Variants in PRDX2 observed in about 807,000 individuals in gnomAD.
The protein encoded by PRDX2 is peroxiredoxin 2.
In PRDX2, 10 loss-of-function variants were observed where a neutral mutation model predicts 19.8. That is an observed-to-expected ratio of 0.50 (90% CI 0.31 to 0.86). The LOEUF (loss-of-function observed/expected upper bound fraction) is 0.86, where lower values mean the gene tolerates loss of function less well. Among genes scored for constraint, PRDX2 ranks in the 40% least tolerant of loss-of-function variants. The pLI is 0.04. For missense variants in PRDX2, 226 were observed against 260.1 expected, an observed-to-expected ratio of 0.87 and a Z score of 0.90; for synonymous variants, 118 against 108.2, an observed-to-expected ratio of 1.09 and a Z score of -0.56.
rs1968856750 is a variant in PRDX2, at chr19:12,799,868, G to A, written c.502C>T (p.His168Tyr). The A allele has an allele frequency of 3.1e-6, 5 of 1,612,246 alleles. No individual in the cohort carries two copies. Among genetic ancestry groups the A allele is most frequent in the Non-Finnish European group, 4.2e-6 (5 of 1,179,800 alleles). The change falls in exon 5 of 6, where the codon CAT becomes TAT. Residue 168 changes from histidine (H) to tyrosine (Y), a missense_variant. Physicochemically the swap from His to Tyr is moderately conservative, Grantham distance 83. Coordinates refer to ENST00000301522, the MANE Select transcript of PRDX2 (RefSeq NM_005809.6). ...LVQAFQYTDEHGEVCPAGWKP... is the reference protein window; with the variant it reads ...LVQAFQYTDEYGEVCPAGWKP... ...GTGTGTATCTGCTCACCTTCCCCAT[G>A]CTCGTCTGTGTACTGGAAGGCCTGG...
At position 12,800,904 on chromosome 19, in the gene PRDX2, C is replaced by T. The variant is rs1968882461; in HGVS notation, c.257+12G>A. 5 of 1,601,258 alleles carry T rather than the reference C, an allele frequency of 3.1e-6. No individual in the cohort carries two copies. Among genetic ancestry groups the T allele is most frequent in the Non-Finnish European group, 4.3e-6 (5 of 1,174,036 alleles). ...CTTAGCTGCAACCTCCCTCTTTGGC[C>T]CCTGCTCATACCAAGCCAGGTGGGT... On this transcript the variant is annotated intron_variant, in intron 3 of 5. Transcript: ENST00000301522.
In PRDX2 at chr19:12,799,999, T is replaced by A. The variant is rs765896681; in HGVS notation, c.381-10A>T. ...GATGATAAAGAGGCCCCTGAAGACA[T>A]CAGGGTTCCCAGTGAGGAGCTGATA... On this transcript the variant is annotated splice_polypyrimidine_tract_variant and intron_variant, in intron 4 of 5. Transcript: ENST00000301522. 3.2e-5 allele frequency: 51 copies of A among 1,613,052 alleles called. No individual in the cohort carries two copies. The highest frequency in any genetic ancestry group is 4.2e-5 in the Non-Finnish European group (50 of 1,179,648).
intron 1 of PRDX2, 129 bp from the exon 2 acceptor site, chr19:12,801,399 G>T: frequency 9.9e-7 from 1 of 1,007,380 alleles, no homozygotes; most frequent in Non-Finnish European, 1.5e-6. Context: ...TCACCCTCCC[G>T]GGTACCCGGT....
chr19:12,797,806 C>T (rs961481226), intron 5 of PRDX2, among the ~76,000 whole-genome samples: 2 of 151,384 alleles, frequency 1.3e-5, no homozygotes, highest in Admixed American at 6.6e-5. Flanking sequence ...TACAAGTGCC[C>T]GCCACCACAC....
intron 5 of PRDX2, among the ~76,000 whole-genome samples, chr19:12,797,971 T>G (rs112540795): frequency 0.036 from 5,516 of 152,138 alleles, 106 homozygotes; most frequent in South Asian, 0.046. Context: ...AGTTCAGTAT[T>G]TTCTAGCTGG....
rs1236074914 is a variant in PRDX2 at position 12,801,088 on chromosome 19, G to A, written c.104-19C>T. ...TACTTCCCTGGGGAGGAGGGACACA[G>A]AGGAGTTAGGGCCCAGCTTCTCTCA... On this transcript the variant is annotated intron_variant, in intron 2 of 5. Transcript: ENST00000301522. 1.2e-6 allele frequency: 2 copies of A among 1,612,452 alleles called. No individual in the cohort carries two copies. The highest frequency in any genetic ancestry group is 1.7e-6 in the Non-Finnish European group (2 of 1,178,810).
chr19:12,800,133 G>A (rs1340208838), intron 4 of PRDX2, 44 bp downstream of exon 4: 1 of 1,606,446 alleles, frequency 6.2e-7, no homozygotes, highest in Non-Finnish European at 8.5e-7. Context: ...CACAGGAATG[G>A]GGGGCAGGGC....
At chr19:12,801,530 CAGA>C (rs957111799) in intron 1 of PRDX2, among the ~76,000 whole-genome samples, 1 of 152,232 alleles carries the variant, frequency 6.6e-6, no homozygotes, top group African/African-American at 2.4e-5. Flanking sequence ...GCCCCCAGCC[CAGA>C]AGGAGACAGT....
intron 3 of PRDX2, 60 bp downstream of exon 3, chr19:12,800,856 C>G (rs766403350): frequency 6.4e-7 from 1 of 1,560,852 alleles, no homozygotes; most frequent in Admixed American, 1.9e-5. Context: ...CGAAGCCACA[C>G]TGCTAGGACC....
intron 5 of PRDX2, among the ~76,000 whole-genome samples, chr19:12,797,642 T>C (rs904174993): frequency 6.7e-6 from 1 of 148,444 alleles, no homozygotes; most frequent in Non-Finnish European, 1.5e-5. Flanking sequence ...TCTTTTCTTC[T>C]TTTTTCTTTC....
intron 5 of PRDX2, among the ~76,000 whole-genome samples, chr19:12,797,656 C>CTTTTTTT (rs1555733212): frequency 2.8e-4 from 32 of 113,052 alleles, no homozygotes; most frequent in African/African-American, 5.1e-4. Context: ...TTCTTTCTTT[C>CTTTTTTT]TTTTTTTTTT....
chr19:12,798,790 T>G (rs1424550963), intron 5 of PRDX2, among the ~76,000 whole-genome samples: 2 of 151,212 alleles, frequency 1.3e-5, no homozygotes, highest in African/African-American at 2.4e-5. Context: ...CCAGAGTAGG[T>G]GGAACTACAG....
chr19:12,800,608 C>A, intron 3 of PRDX2: 1 of 1,194,998 alleles, frequency 8.4e-7, no homozygotes, highest in Non-Finnish European at 1.1e-6. Flanking sequence ...GGGTACAGCC[C>A]TTCACTTCGG....
chr19:12,800,301 T>C lies in PRDX2; in HGVS notation c.258-2A>G. On this transcript the variant is annotated splice_acceptor_variant, in intron 3 of 5. Coordinates refer to ENST00000301522, the MANE Select transcript of PRDX2 (RefSeq NM_005809.6). LOFTEE classifies it high-confidence loss of function. ...CCCTCTTTCCGGGGGGTGTTGATCC[T>C]GGGAGTAGGGGAGACAGAGTTGGGG... 6.2e-7 allele frequency: 1 copy of C among 1,611,018 alleles called. No individual in the cohort carries two copies.
rs189324475 is a variant in PRDX2, at chr19:12,799,580, G to A, written c.511+279C>T. 1.9e-3 allele frequency: 522 copies of A among 273,314 alleles called. 2 individuals are homozygous for A. The highest frequency in any genetic ancestry group is 6.4e-3 in the Admixed American group (131 of 20,468). 16.9% of individuals were successfully genotyped at this position (273,314 alleles called of 1,614,324 possible). ...TCACCATGTTGGTCAGGCTGGTCTC[G>A]AACTCCTGACCTCAGGTGATCCACC... On this transcript the variant is annotated intron_variant, in intron 5 of 5. Coordinates refer to ENST00000301522, the MANE Select transcript of PRDX2 (RefSeq NM_005809.6).
At chr19:12,799,433 C>T (rs1355884207) in intron 5 of PRDX2, 4 of 166,490 alleles carry the variant, frequency 2.4e-5, no homozygotes, top group Non-Finnish European at 5.3e-5. Flanking sequence ...GATCTCAGCT[C>T]ACTGCAACCT....
intron 5 of PRDX2, among the ~76,000 whole-genome samples, chr19:12,799,237 A>T (rs889403655): frequency 7.0e-6 from 1 of 143,562 alleles, no homozygotes; most frequent in Admixed American, 7.0e-5. Flanking sequence ...TTGCTGTGTC[A>T]CCCAGGCTGG....
rs753704220 is a variant in PRDX2, at chr19:12,797,201, CA to C, written c.512-36del. On this transcript the variant is annotated intron_variant, in intron 5 of 5. Coordinates refer to ENST00000301522, the MANE Select transcript of PRDX2 (RefSeq NM_005809.6). ...GACACAAGGATGCACATGAAGGCTA[CA>C]GCCCCAGGTTCAAGGTGAAGCAAAG... The C allele has an allele frequency of 4.4e-6, 7 of 1,589,310 alleles. No homozygotes were observed. The Admixed American group carries it at 8.4e-5, about 19-fold the overall frequency.
intron 3 of PRDX2, 55 bp from the exon 4 acceptor site, chr19:12,800,354 C>T (rs1306519385): frequency 1.3e-6 from 2 of 1,579,730 alleles, no homozygotes; most frequent in Non-Finnish European, 1.7e-6. Context: ...CAGCAGGGTC[C>T]TCACCCTGTG....
Sources: gnomAD v4.1 joint callset for allele counts (sites outside exome capture counted in the v4.1 genomes callset) on GRCh38, gnomAD v4.1.1 for gene constraint, MANE v1.5 for transcripts, NCBI Gene and HGNC (gene_info 2026-07-23, HGNC 2026-07-21) for gene names.